Variants in NOTCH2 observed in about 807,000 individuals in gnomAD.
The protein encoded by NOTCH2 is neurogenic locus notch homolog protein 2.
In NOTCH2, 29 loss-of-function variants were observed where a neutral mutation model predicts 235.8. The ratio of observed to expected loss-of-function variants is 0.12; its 90% confidence interval spans 0.09 to 0.17. NOTCH2 has a LOEUF of 0.17. Among genes scored for constraint, NOTCH2 ranks in the 10% least tolerant of loss-of-function variants. The pLI, the probability that NOTCH2 is intolerant of heterozygous loss-of-function variation, is 1.00. For synonymous variants in NOTCH2, 1,086 were observed against 1,141.5 expected, an observed-to-expected ratio of 0.95 and a Z score of 0.98; for missense variants, 2,285 against 3,150.2, an observed-to-expected ratio of 0.73 and a Z score of 6.57.
intron 1 of NOTCH2, among the ~76,000 whole-genome samples, chr1:120,033,908 T>G (rs868973237): frequency 6.6e-6 from 1 of 151,514 alleles, no homozygotes; most frequent in South Asian, 2.1e-4. Flanking sequence ...AACTATAAAT[T>G]GACAATTCTA....
intron 21 of NOTCH2, among the ~76,000 whole-genome samples, chr1:119,936,036 T>C (rs937133870): frequency 3.3e-5 from 5 of 152,084 alleles, no homozygotes; most frequent in African/African-American, 1.2e-4. Flanking sequence ...GTTTAGGAAA[T>C]TGGATCTATG....
At chr1:119,958,046 T>C (rs782105239) in intron 12 of NOTCH2, among the ~76,000 whole-genome samples, 3 of 152,204 alleles carry the variant, frequency 2.0e-5, no homozygotes, top group Non-Finnish European at 4.4e-5. Context: ...TCGGTGACAA[T>C]TGACAATTTA....
chr1:120,045,470 TAAAAAAAAA>T (rs375380660), intron 1 of NOTCH2, among the ~76,000 whole-genome samples: 1 of 124,554 alleles, frequency 8.0e-6, no homozygotes, highest in Non-Finnish European at 1.6e-5. Flanking sequence ...GGAAAGACTT[TAAAAAAAAA>T]AAAAAAAAAG....
intron 5 of NOTCH2, among the ~76,000 whole-genome samples, chr1:119,985,661 T>C (rs1383463543): frequency 6.6e-6 from 1 of 152,118 alleles, no homozygotes; most frequent in Non-Finnish European, 1.5e-5. Context: ...TGTCCAATAC[T>C]GTAAGGATCA....
intron 17 of NOTCH2, among the ~76,000 whole-genome samples, chr1:119,947,733 T>C (rs1177762685): frequency 6.6e-5 from 10 of 152,184 alleles, no homozygotes; most frequent in African/African-American, 2.4e-4. Flanking sequence ...TATCCCCAAA[T>C]TGGAAAACAC....
At chr1:119,975,136 T>C (rs1651521802) in intron 5 of NOTCH2, among the ~76,000 whole-genome samples, 1 of 152,186 alleles carries the variant, frequency 6.6e-6, no homozygotes, top group Admixed American at 6.5e-5. Context: ...CAGATCAAGT[T>C]AGTTTTCAAA....
chr1:120,069,427 C>T lies in NOTCH2; in HGVS notation c.-21G>A, dbSNP rs782327096. 11 of 1,330,540 alleles carry T rather than the reference C, an allele frequency of 8.3e-6. No individual in the cohort carries two copies. The highest frequency in any genetic ancestry group is 5.3e-5 in the East Asian group (2 of 37,818). The allele number at this position is 1,330,540 out of a possible 1,614,324, so 82.4% of individuals were successfully genotyped here. On this transcript the variant is annotated 5_prime_UTR_variant, in exon 1 of 34. Transcript: ENST00000256646. Reference sequence around the variant, plus strand: ...GGCATCTTCTCGGTCGCCTCCTCCTCCGCCGCCGCCGCCGCCGCCTGGGCA... The same window carrying T: ...GGCATCTTCTCGGTCGCCTCCTCCTTCGCCGCCGCCGCCGCCGCCTGGGCA...
chr1:119,928,881 G>A (rs1160324199), intron 23 of NOTCH2, 95 bp downstream of exon 23: 15 of 1,027,632 alleles, frequency 1.5e-5, no homozygotes, highest in Non-Finnish European at 2.3e-5. Context: ...TATAAGAAAA[G>A]CTTCACTTGG....
intron 1 of NOTCH2, among the ~76,000 whole-genome samples, chr1:120,035,426 C>G (rs79565669): frequency 6.6e-6 from 1 of 152,034 alleles, no homozygotes; most frequent in African/African-American, 2.4e-5. Context: ...CAGAGCTTAC[C>G]TTACCTGCCC....
At chr1:119,954,286 T>C (rs1424649792) in intron 13 of NOTCH2, among the ~76,000 whole-genome samples, 1 of 152,232 alleles carries the variant, frequency 6.6e-6, no homozygotes, top group Non-Finnish European at 1.5e-5. Flanking sequence ...AAATGATAGC[T>C]TTCTTATCGG....
At position 119,937,851 on chromosome 1, in the gene NOTCH2, G is replaced by T. The variant is rs782040990; in HGVS notation, c.3337+6C>A. On this transcript the variant is annotated splice_donor_region_variant and intron_variant, in intron 20 of 33. Transcript: ENST00000256646. ...AATGACCTGAGCCCAAGGGAGCAAA[G>T]CTTACCTCTCCTGGAGGCTGCTATG... The T allele has an allele frequency of 6.2e-7, 1 of 1,614,100 alleles. No homozygotes were observed. The highest frequency in any genetic ancestry group is 8.5e-7 in the Non-Finnish European group (1 of 1,180,024).
chr1:119,915,272 G>T lies in NOTCH2; in HGVS notation c.*34C>A. ...TTGTTCCTCAGCAGCATTTACAAAA[G>T]TCAGTTATGTCTCTACACTGGAGGT... On this transcript the variant is annotated 3_prime_UTR_variant, in exon 34 of 34. Transcript: ENST00000256646. The T allele has an allele frequency of 1.2e-6, 2 of 1,607,062 alleles. No homozygotes were observed. The highest frequency in any genetic ancestry group is 1.7e-6 in the Non-Finnish European group (2 of 1,176,308).
chr1:119,949,839 G>A (rs1650401438), intron 15 of NOTCH2, among the ~76,000 whole-genome samples: 1 of 152,136 alleles, frequency 6.6e-6, no homozygotes, highest in Non-Finnish European at 1.5e-5. Flanking sequence ...TAATAACTCA[G>A]CCATGCTCCT....
intron 25 of NOTCH2, among the ~76,000 whole-genome samples, chr1:119,925,035 C>G (rs1159506845): frequency 6.6e-6 from 1 of 152,166 alleles, no homozygotes; most frequent in Non-Finnish European, 1.5e-5. Flanking sequence ...GGAAACACCA[C>G]TTCCAAAAGT....
chr1:119,967,409 C>T, intron 8 of NOTCH2, 24 bp downstream of exon 8: 1 of 1,609,660 alleles, frequency 6.2e-7, no homozygotes, highest in Non-Finnish European at 8.5e-7. Context: ...TCTCTAGACC[C>T]AACATGCTGA....
chr1:119,965,869 T>C (rs1651115871), intron 9 of NOTCH2, among the ~76,000 whole-genome samples: 1 of 152,168 alleles, frequency 6.6e-6, no homozygotes, highest in Non-Finnish European at 1.5e-5. Flanking sequence ...AACAGAAACC[T>C]TCTCTCTGAA....
chr1:119,961,986 T>G (rs975597961), intron 11 of NOTCH2, among the ~76,000 whole-genome samples: 3 of 152,162 alleles, frequency 2.0e-5, no homozygotes, highest in Admixed American at 6.5e-5. Context: ...CTCCACCCAT[T>G]ACAGATCAAC....
chr1:120,065,464 C>T (rs1294175145), intron 1 of NOTCH2, among the ~76,000 whole-genome samples: 1 of 152,160 alleles, frequency 6.6e-6, no homozygotes, highest in African/African-American at 2.4e-5. Flanking sequence ...TTTTTGTGCA[C>T]ATAAGCGCAT....
intron 1 of NOTCH2, among the ~76,000 whole-genome samples, chr1:120,032,283 CCTTAT>C (rs1403966256): frequency 7.3e-6 from 1 of 137,654 alleles, no homozygotes; most frequent in African/African-American, 3.1e-5. Flanking sequence ...ACAGCTCCCT[CCTTAT>C]AAGTACATGA....
Sources: gnomAD v4.1 joint callset for allele counts (sites outside exome capture counted in the v4.1 genomes callset) on GRCh38, gnomAD v4.1.1 for gene constraint, MANE v1.5 for transcripts, NCBI Gene and HGNC (gene_info 2026-07-23, HGNC 2026-07-21) for gene names.